SREBF2: variants seen among roughly 807,000 people sequenced by gnomAD.
SREBF2 encodes sterol regulatory element-binding protein 2.
SREBF2 carries 55 observed loss-of-function variants against 113.1 expected under a neutral mutation model. That is an observed-to-expected ratio of 0.49 (90% CI 0.39 to 0.61). The LOEUF (loss-of-function observed/expected upper bound fraction) is 0.61. SREBF2 is among the 20% of genes least tolerant of loss of function. The probability of loss-of-function intolerance (pLI) is 0.00; values close to 1 mark genes in which losing one functional copy is unlikely to be tolerated. For synonymous variants in SREBF2, 593 were observed against 605.7 expected (o/e 0.98, Z 0.31); for missense variants, 1,349 against 1,487.4 (o/e 0.91, Z 1.53).
rs149025713 is a variant in SREBF2 at position 41,863,904 on chromosome 22, C to T, written c.89-2927C>T. 1.9e-3 allele frequency among the ~76,000 whole-genome samples: 289 copies of T among 151,748 alleles called. 1 individual carries two copies. The highest frequency in any genetic ancestry group is 3.4e-3 in the Non-Finnish European group (231 of 67,928). On this transcript the variant is annotated intron_variant, in intron 1 of 18. Transcript: ENST00000361204. ...CTATTTATTTATTTATTTTTTGGGA[C>T]GGAGTCTTGCTCTGTTCCCTAGGCT...
At chr22:41,887,590 A>C (rs1165381285) in intron 11 of SREBF2, among the ~76,000 whole-genome samples, 1 of 152,232 alleles carries the variant, frequency 6.6e-6, no homozygotes, top group Non-Finnish European at 1.5e-5. Context: ...TCATATTTAT[A>C]GTGTTCCATT....
At chr22:41,855,755 C>A (rs1450922520) in intron 1 of SREBF2, among the ~76,000 whole-genome samples, 1 of 141,158 alleles carries the variant, frequency 7.1e-6, no homozygotes, top group African/African-American at 2.6e-5. Context: ...TGTAGTATAA[C>A]TTTTTTTTTT....
intron 11 of SREBF2, among the ~76,000 whole-genome samples, chr22:41,888,035 A>T (rs952025690): frequency 2.0e-5 from 3 of 152,114 alleles, no homozygotes; most frequent in Middle Eastern, 3.2e-3. Context: ...TATTCTGGAG[A>T]TTACCCCTTT....
rs570725711 is a variant in SREBF2 at position 41,862,756 on chromosome 22, G to A, written c.89-4075G>A. On this transcript the variant is annotated intron_variant, in intron 1 of 18. Coordinates refer to ENST00000361204, the MANE Select transcript of SREBF2 (RefSeq NM_004599.4). ...AGATGGGGTCCTGGAGAGGCTCTGC[G>A]TGCCCTTCTGGAGCTTCCCATCACT... is the stretch of plus-strand genomic sequence containing the variant. 3.4e-4 allele frequency among the ~76,000 whole-genome samples: 52 copies of A among 152,250 alleles called. No homozygotes were observed. In the South Asian group the frequency reaches 8.9e-3, roughly 26 times the overall value.
intron 10 of SREBF2, among the ~76,000 whole-genome samples, 167 bp downstream of exon 10, chr22:41,881,159 TCTTTG>T (rs2077242100): frequency 6.6e-6 from 1 of 152,262 alleles, no homozygotes; most frequent in Non-Finnish European, 1.5e-5. Context: ...TAAGGTTGGC[TCTTTG>T]CTTTAGCTCA....
At chr22:41,892,596 C>T (rs1275309607) in intron 11 of SREBF2, among the ~76,000 whole-genome samples, 1 of 140,484 alleles carries the variant, frequency 7.1e-6, no homozygotes, top group East Asian at 2.1e-4. Flanking sequence ...TGCAGTGAGT[C>T]GAGATCGCGC....
chr22:41,901,131 A>C (rs1210053747), intron 16 of SREBF2: 1 of 370,128 alleles, frequency 2.7e-6, no homozygotes, highest in Non-Finnish European at 5.4e-6. Flanking sequence ...ATCCCAGGAA[A>C]CAGGAGGGCA....
chr22:41,860,830 G>T (rs1226625297), intron 1 of SREBF2, among the ~76,000 whole-genome samples: 3 of 152,006 alleles, frequency 2.0e-5, no homozygotes, highest in Non-Finnish European at 4.4e-5. Flanking sequence ...AGGCTGCATT[G>T]AGCCCCACCA....
At chr22:41,874,992 C>G (rs530009066) in intron 5 of SREBF2, among the ~76,000 whole-genome samples, 1 of 151,760 alleles carries the variant, frequency 6.6e-6, no homozygotes, top group African/African-American at 2.4e-5. Flanking sequence ...TGTTATGGTG[C>G]TAGGATTATT....
intron 1 of SREBF2, among the ~76,000 whole-genome samples, chr22:41,838,876 T>C (rs183668878): frequency 2.5e-4 from 38 of 152,282 alleles, no homozygotes; most frequent in African/African-American, 8.2e-4. Flanking sequence ...GTGGCCCTCA[T>C]TCAAATACCT....
chr22:41,891,708 G>C (rs185054819), intron 11 of SREBF2, among the ~76,000 whole-genome samples: 2 of 152,322 alleles, frequency 1.3e-5, no homozygotes, highest in East Asian at 3.9e-4. Context: ...GTGTGGAAGC[G>C]ATGTCTGCGG....
chr22:41,882,431 G>A (rs2077255767), intron 10 of SREBF2, among the ~76,000 whole-genome samples: 1 of 152,202 alleles, frequency 6.6e-6, no homozygotes, highest in African/African-American at 2.4e-5. Flanking sequence ...GACTACAGGT[G>A]AGAGTGAAAA....
intron 1 of SREBF2, among the ~76,000 whole-genome samples, chr22:41,860,094 C>A (rs543273864): frequency 9.2e-5 from 14 of 151,694 alleles, no homozygotes; most frequent in Non-Finnish European, 1.9e-4. Context: ...TGTGAGCCAC[C>A]GCGCCAGGCC....
chr22:41,850,075 G>A (rs950969312), intron 1 of SREBF2, among the ~76,000 whole-genome samples: 4 of 152,042 alleles, frequency 2.6e-5, no homozygotes, highest in Non-Finnish European at 5.9e-5. Flanking sequence ...GGGAGGCGGA[G>A]TTTGCAGTGA....
intron 1 of SREBF2, among the ~76,000 whole-genome samples, chr22:41,857,447 G>A (rs574217555): frequency 5.9e-5 from 9 of 152,310 alleles, no homozygotes; most frequent in African/African-American, 1.9e-4. Context: ...AAGACCATTT[G>A]AGAATTCCTT....
intron 1 of SREBF2, among the ~76,000 whole-genome samples, chr22:41,849,003 C>A (rs1321324270): frequency 6.6e-6 from 1 of 151,820 alleles, no homozygotes; most frequent in Non-Finnish European, 1.5e-5. Flanking sequence ...AGTTATTTTC[C>A]AGTAAAAAAA....
At chr22:41,877,187 C>T in intron 7 of SREBF2, 42 bp from the exon 8 acceptor site, 3 of 1,590,576 alleles carry the variant, frequency 1.9e-6, no homozygotes, top group African/African-American at 2.7e-5. Flanking sequence ...GCTGTAAAAA[C>T]CTATGCAGTA....
intron 1 of SREBF2, among the ~76,000 whole-genome samples, chr22:41,845,376 A>G (rs1483736010): frequency 1.3e-5 from 2 of 152,188 alleles, no homozygotes; most frequent in Non-Finnish European, 2.9e-5. Context: ...TCGCTGTCCT[A>G]TGAAAATGAG....
chr22:41,859,732 G>T (rs1213341125), intron 1 of SREBF2, among the ~76,000 whole-genome samples: 3 of 147,914 alleles, frequency 2.0e-5, no homozygotes, highest in Admixed American at 1.3e-4. Flanking sequence ...ACAATGTACA[G>T]TTGAGAAAAA....
Sources: gnomAD v4.1 joint callset for allele counts (sites outside exome capture counted in the v4.1 genomes callset) on GRCh38, gnomAD v4.1.1 for gene constraint, MANE v1.5 for transcripts, NCBI Gene and HGNC (gene_info 2026-07-23, HGNC 2026-07-21) for gene names.